The following ZNF44 variants were observed in gnomAD, a reference collection of about 807,000 sequenced individuals.
ZNF44 encodes the protein gonadotropin inducible transcription repressor-2.
ZNF44 carries 9 observed loss-of-function variants against 11.7 expected under a neutral mutation model. The ratio of observed to expected loss-of-function variants is 0.77; its 90% CI spans 0.46 to 1.35. The LOEUF (loss-of-function observed/expected upper bound fraction) is 1.35, where lower values mean the gene tolerates loss of function less well. Among genes scored for constraint, ZNF44 ranks in the 40% most tolerant of loss-of-function variants. The pLI, the probability that ZNF44 is intolerant of heterozygous loss-of-function variation, is 0.00. For synonymous variants in ZNF44, 224 were observed against 242.7 expected (o/e 0.92, Z 0.72); for missense variants, 696 against 743.1 (o/e 0.94, Z 0.74).
rs1157380559 is a variant in ZNF44, at chr19:12,273,009, T to C, written c.1246A>G (p.Thr416Ala). 6 of 1,613,992 alleles carry C rather than the reference T, an allele frequency of 3.7e-6. No individual in the cohort carries two copies. In the African/African-American group the frequency reaches 4.0e-5, roughly 11 times the overall value. ...TTGCATTCATAGGGTTTCTCTCCAG[T>C]GTGAGTCCTTTCATGTCTTTGAAAT... ...SVFQRHERTH[T>A]GEKPYECKQC... The change falls in exon 4 of 4, where the codon ACT (threonine) becomes GCT (alanine). Residue 416 changes from threonine to alanine, a missense_variant. Transcript: ENST00000355684.
chr19:12,291,393 C>A lies in ZNF44; in HGVS notation c.3+3299G>T, dbSNP rs1968000113. On this transcript the variant is annotated intron_variant, in intron 1 of 3. Transcript: ENST00000355684. The stretch of plus-strand genomic sequence containing the variant: ...AATTTTTCCCTTGGTAGTATTTACA[C>A]TGCTAAGCCCTGAAATTCCATTTGA... 5 of 356,776 alleles carry A rather than the reference C, an allele frequency of 1.4e-5. No individual in the cohort carries two copies. In the Admixed American group the frequency reaches 2.0e-4, roughly 14 times the overall value. 22.1% of individuals were successfully genotyped at this position (356,776 alleles called of 1,614,324 possible).
Position 12,272,788 on chromosome 19 carries a change from T to C in ZNF44, c.1467A>G (p.Lys489=). The C allele has an allele frequency of 6.2e-7, 1 of 1,613,602 alleles. No homozygotes were observed. Among genetic ancestry groups the C allele is most frequent in the Non-Finnish European group, 8.5e-7 (1 of 1,179,798 alleles). The change falls in exon 4 of 4, where the codon AAA becomes AAG. Residue 489 remains lysine (K), a synonymous_variant. Transcript: ENST00000355684. ...KECGKAFSSF[K]YFCRHERTHS... ...GAGTCCTTTCATGGCGACAAAAGTA[T>C]TTAAAAGAACTAAATGCTTTCCCAC...
At chr19:12,263,608 TACAAAAA>T (rs940628807) in intron 5 of ZNF44, among the ~76,000 whole-genome samples, 52 of 151,744 alleles carry the variant, frequency 3.4e-4, no homozygotes, top group East Asian at 1.8e-3. Flanking sequence ...ACCCTGTCTC[TACAAAAA>T]ACAAAAAACA....
At chr19:12,261,437 C>T (rs1917502917) in intron 5 of ZNF44, among the ~76,000 whole-genome samples, 1 of 152,166 alleles carries the variant, frequency 6.6e-6, no homozygotes, top group African/African-American at 2.4e-5. Flanking sequence ...AGTTCAAGAC[C>T]AGCCTGAGCA....
chr19:12,263,812 C>A (rs1369077755), intron 5 of ZNF44, among the ~76,000 whole-genome samples: 3 of 151,588 alleles, frequency 2.0e-5, no homozygotes, highest in Non-Finnish European at 2.9e-5. Context: ...GTAGTCCCAG[C>A]TACTTGGGAG....
At chr19:12,289,067 G>A (rs1967891546) in intron 1 of ZNF44, among the ~76,000 whole-genome samples, 1 of 151,934 alleles carries the variant, frequency 6.6e-6, no homozygotes, top group Non-Finnish European at 1.5e-5. Flanking sequence ...CACTTTGGGA[G>A]GCTGAAGTGG....
At chr19:12,291,478 A>G (rs1419122612) in intron 1 of ZNF44, among the ~76,000 whole-genome samples, 3 of 152,178 alleles carry the variant, frequency 2.0e-5, no homozygotes, top group African/African-American at 7.2e-5. Flanking sequence ...ATAAAAGTAA[A>G]TAAAAGTTTT....
chr19:12,228,161 A>AG, intron 3 of ZNF44, among the ~76,000 whole-genome samples: 1 of 105,580 alleles, frequency 9.5e-6, no homozygotes, highest in African/African-American at 4.7e-5. Context: ...AAACCTTCAA[A>AG]ACAATTGTTT....
chr19:12,259,770 A>G (rs1917419216), intron 5 of ZNF44, among the ~76,000 whole-genome samples: 1 of 152,196 alleles, frequency 6.6e-6, no homozygotes, highest in Admixed American at 6.5e-5. Flanking sequence ...CTTCTTTGTT[A>G]TGCCACAACT....
At chr19:12,257,530 G>A (rs1917309089) in intron 5 of ZNF44, among the ~76,000 whole-genome samples, 1 of 151,916 alleles carries the variant, frequency 6.6e-6, no homozygotes, top group South Asian at 2.1e-4. Context: ...GCTCGTGCCT[G>A]TAATCCCAGC....
chr19:12,247,112 TA>T (rs1427932597), downstream of ZNF44, among the ~76,000 whole-genome samples: 17 of 152,208 alleles, frequency 1.1e-4, no homozygotes, highest in African/African-American at 4.1e-4. Flanking sequence ...ACATTTATAA[TA>T]TTTTTTCATG....
intron 2 of ZNF44, among the ~76,000 whole-genome samples, chr19:12,232,596 C>T (rs796480016): frequency 2.0e-5 from 3 of 152,302 alleles, no homozygotes; most frequent in African/African-American, 7.2e-5. Context: ...ACATCTTGCA[C>T]CCCCCTTAAT....
chr19:12,232,349 A>C (rs1179858227), intron 2 of ZNF44, among the ~76,000 whole-genome samples: 1 of 151,956 alleles, frequency 6.6e-6, no homozygotes, highest in Non-Finnish European at 1.5e-5. Context: ...TCTTTTACTA[A>C]TCCTCCTCAG....
At chr19:12,279,597 GAATA>G (rs1007184800) in intron 1 of ZNF44, among the ~76,000 whole-genome samples, 21 of 151,936 alleles carry the variant, frequency 1.4e-4, no homozygotes, top group African/African-American at 4.8e-4. Flanking sequence ...TGGATTTACT[GAATA>G]AAAACAGTAA....
intron 2 of ZNF44, among the ~76,000 whole-genome samples, chr19:12,232,862 A>G (rs1916221714): frequency 6.6e-6 from 1 of 152,072 alleles, no homozygotes; most frequent in Non-Finnish European, 1.5e-5. Context: ...CCACAGTACC[A>G]TTGTCATGCC....
intron 5 of ZNF44, among the ~76,000 whole-genome samples, chr19:12,256,503 C>T (rs369910456): frequency 4.6e-5 from 7 of 152,050 alleles, no homozygotes; most frequent in South Asian, 2.1e-4. Context: ...AACAAAAACA[C>T]GCTATTTCTT....
rs574605960 is a variant in ZNF44, at chr19:12,283,359, G to A, written c.4-7277C>T. Among the ~76,000 whole-genome samples the A allele has an allele frequency of 3.3e-5, 5 of 152,090 alleles. No individual in the cohort carries two copies. The East Asian group carries it at 7.7e-4, about 24-fold the overall frequency. ...TTTTTTCTTTTTGAGACAGAGTCTC[G>A]CACTGTCTACCCAGACTTGAGTGCA... On this transcript the variant is annotated intron_variant, in intron 1 of 3. Transcript: ENST00000355684.
intron 3 of ZNF44, among the ~76,000 whole-genome samples, chr19:12,229,215 A>G (rs187707145): frequency 2.0e-5 from 3 of 152,204 alleles, no homozygotes; most frequent in Non-Finnish European, 4.4e-5. Flanking sequence ...TTTTTCTCCT[A>G]ATTTCCCAAT....
At chr19:12,237,574 G>A (rs73921435) in exon 1 of ZNF44, 2,134 of 153,682 alleles carry the variant, frequency 0.014, 42 homozygotes, top group East Asian at 0.049. Context: ...CAGTGGGTTA[G>A]GGGAACAGGA....
Sources: allele counts gnomAD v4.1 joint callset (sites outside exome capture counted in the v4.1 genomes callset), GRCh38; gene constraint gnomAD v4.1.1; transcripts MANE v1.5; gene names NCBI Gene and HGNC (gene_info 2026-07-23, HGNC 2026-07-21).